Variants in KCNQ5 observed in about 807,000 individuals in gnomAD.
The protein encoded by KCNQ5 is potassium voltage-gated channel subfamily Q member 5, also known as potassium voltage-gated channel subfamily KQT member 5.
A neutral mutation model predicts 98.2 loss-of-function variants in KCNQ5; 30 were observed. The observed-to-expected ratio is 0.31, with a 90% confidence interval of 0.23 to 0.41. The LOEUF (loss-of-function observed/expected upper bound fraction) is 0.41. KCNQ5 is among the 10% of genes least tolerant of loss of function. KCNQ5 has a pLI of 1.00. For missense variants in KCNQ5, 835 were observed against 1,182.5 expected (o/e 0.71, Z 4.31); for synonymous variants, 458 against 449.4 (o/e 1.02, Z -0.24).
At chr6:72,917,992 A>T (rs1021068849) in intron 1 of KCNQ5, among the ~76,000 whole-genome samples, 3 of 152,098 alleles carry the variant, frequency 2.0e-5, no homozygotes, top group Admixed American at 2.0e-4. Flanking sequence ...TGCCCACTAG[A>T]CGCAATAGCA....
Position 73,133,443 on chromosome 6 carries a change from C to T in KCNQ5, c.1270C>T (p.Arg424Ter), listed in dbSNP as rs1554213240. Residue 424 changes from arginine (R) to a stop codon, truncating the protein, a stop_gained, in exon 10 of 14, where the codon CGA becomes TGA. Transcript: ENST00000370398. LOFTEE classifies it high-confidence loss of function. The stretch of plus-strand genomic sequence containing the variant: ...CAGTCAGAAGCTAAGTTTTAAGGAG[C>T]GAGTGCGCATGGCTAGCCCCAGGGG... ...SSSQKLSFKE[R>*]VRMASPRGQS... is the part of the protein sequence containing the mutation. 1 of 1,613,890 alleles carries T rather than the reference C, an allele frequency of 6.2e-7. No homozygotes were observed. Among genetic ancestry groups the T allele is most frequent in the Non-Finnish European group, 8.5e-7 (1 of 1,179,992 alleles).
chr6:72,835,092 A>T (rs906758756), intron 1 of KCNQ5, among the ~76,000 whole-genome samples: 1 of 152,150 alleles, frequency 6.6e-6, no homozygotes, highest in South Asian at 2.1e-4. Flanking sequence ...CAAGCAGGGT[A>T]CAACATGAAT....
intron 1 of KCNQ5, among the ~76,000 whole-genome samples, chr6:72,808,675 C>T (rs779849994): frequency 6.6e-5 from 10 of 152,108 alleles, no homozygotes; most frequent in Non-Finnish European, 1.3e-4. Context: ...CTGCCGGGCG[C>T]GGTGGCTCAT....
At chr6:73,100,861 A>G (rs1255597520) in intron 5 of KCNQ5, among the ~76,000 whole-genome samples, 2 of 152,138 alleles carry the variant, frequency 1.3e-5, no homozygotes, top group Admixed American at 6.6e-5. Context: ...GTGAGAAACT[A>G]TATACCAATA....
rs554480458 is a variant in KCNQ5 at position 72,714,370 on chromosome 6, G to A, written c.398+91783G>A. 1.5e-3 allele frequency among the ~76,000 whole-genome samples: 230 copies of A among 152,052 alleles called. 1 individual carries two copies. The highest frequency in any genetic ancestry group is 3.1e-3 in the Admixed American group (48 of 15,268). On this transcript the variant is annotated intron_variant, in intron 1 of 13. Transcript: ENST00000370398. ...TTTGTAAAGTTCTTGTCTCTGATCT[G>A]TAGCAATGGAGGAGCTTGTCATAAC...
chr6:72,849,769 T>G (rs1777169942), intron 1 of KCNQ5, among the ~76,000 whole-genome samples: 2 of 152,180 alleles, frequency 1.3e-5, no homozygotes, highest in Admixed American at 1.3e-4. Context: ...AAAGAGTCTT[T>G]GAAACATTGA....
chr6:72,817,884 ACT>A (rs1402638584), intron 1 of KCNQ5, among the ~76,000 whole-genome samples: 20 of 151,958 alleles, frequency 1.3e-4, no homozygotes, highest in African/African-American at 4.4e-4. Context: ...AGAGAGCAAG[ACT>A]CTGACTCAAA....
chr6:73,046,891 C>T (rs1207521681), intron 3 of KCNQ5, among the ~76,000 whole-genome samples: 1 of 152,142 alleles, frequency 6.6e-6, no homozygotes, highest in Admixed American at 6.6e-5. Flanking sequence ...AATCCACCCG[C>T]CTCAGCGTCC....
At chr6:73,046,479 T>G (rs561673698) in intron 3 of KCNQ5, among the ~76,000 whole-genome samples, 1 of 152,204 alleles carries the variant, frequency 6.6e-6, no homozygotes, top group East Asian at 1.9e-4. Flanking sequence ...TAGTAATAGC[T>G]GATATTTATT....
intron 2 of KCNQ5, among the ~76,000 whole-genome samples, chr6:73,031,988 T>C (rs1771172443): frequency 6.6e-6 from 1 of 152,154 alleles, no homozygotes; most frequent in Admixed American, 6.6e-5. Context: ...TCTAAGAACA[T>C]GCCCAGCCCT....
chr6:72,860,853 G>A (rs76032200), intron 1 of KCNQ5, among the ~76,000 whole-genome samples: 7 of 72,682 alleles, frequency 9.6e-5, no homozygotes, highest in Admixed American at 1.3e-4. Context: ...GTGTGTGTGT[G>A]TATGTGTGTG....
intron 10 of KCNQ5, among the ~76,000 whole-genome samples, chr6:73,156,805 G>A (rs1373964493): frequency 6.6e-6 from 1 of 152,190 alleles, no homozygotes; most frequent in Non-Finnish European, 1.5e-5. Context: ...GAGGAGCAGC[G>A]GCAGGCAGAG....
intron 1 of KCNQ5, among the ~76,000 whole-genome samples, chr6:72,687,949 C>T (rs893139791): frequency 4.7e-5 from 7 of 150,060 alleles, no homozygotes; most frequent in Admixed American, 2.7e-4. Flanking sequence ...AGCGATTCTT[C>T]TGCCTCAGCC....
At chr6:72,697,437 T>C (rs1768556794) in intron 1 of KCNQ5, among the ~76,000 whole-genome samples, 1 of 152,234 alleles carries the variant, frequency 6.6e-6, no homozygotes, top group Admixed American at 6.5e-5. Context: ...ATGCAAATTC[T>C]AGATTTATTC....
At chr6:72,883,295 C>CAAAAGA (rs1254090628) in intron 1 of KCNQ5, among the ~76,000 whole-genome samples, 2 of 152,022 alleles carry the variant, frequency 1.3e-5, no homozygotes, top group Non-Finnish European at 2.9e-5. Context: ...CTCCTGTTCT[C>CAAAAGA]AAAAGAACAA....
chr6:72,918,520 C>A (rs1780263282), intron 1 of KCNQ5, among the ~76,000 whole-genome samples: 2 of 151,742 alleles, frequency 1.3e-5, no homozygotes, highest in African/African-American at 4.8e-5. Flanking sequence ...ACATTTTATT[C>A]CTCCAGGACC....
rs1448223136 is a variant in KCNQ5 at position 73,154,332 on chromosome 6, CA to C, written c.1469-15412del. 2.0e-5 allele frequency among the ~76,000 whole-genome samples: 3 copies of C among 152,058 alleles called. 1 individual carries two copies. The highest frequency in any genetic ancestry group is 2.0e-4 in the Admixed American group (3 of 15,272). On this transcript the variant is annotated intron_variant, in intron 10 of 13. Transcript: ENST00000370398. Reference sequence around the variant, plus strand: ...CAATGGTCACATGATTGAGATTTTACAATTTGTTGCTACAGTACCAGCAATA... The same window carrying C: ...CAATGGTCACATGATTGAGATTTTACATTTGTTGCTACAGTACCAGCAATA...
chr6:72,639,384 T>C (rs1436598814), intron 1 of KCNQ5, among the ~76,000 whole-genome samples: 1 of 151,810 alleles, frequency 6.6e-6, no homozygotes, highest in Non-Finnish European at 1.5e-5. Flanking sequence ...CATCTAGGAG[T>C]GGACAGCATG....
At chr6:72,695,265 A>G (rs1190282404) in intron 1 of KCNQ5, among the ~76,000 whole-genome samples, 1 of 152,192 alleles carries the variant, frequency 6.6e-6, no homozygotes, top group African/African-American at 2.4e-5. Context: ...TTGTGTGTCT[A>G]TATTTCATGA....
Sources: gnomAD v4.1 joint callset for allele counts (sites outside exome capture counted in the v4.1 genomes callset) on GRCh38, gnomAD v4.1.1 for gene constraint, MANE v1.5 for transcripts, NCBI Gene and HGNC (gene_info 2026-07-23, HGNC 2026-07-21) for gene names.